ELOC: variants seen among roughly 807,000 people sequenced by gnomAD.
ELOC encodes the protein elongin C.
For synonymous variants in ELOC, 40 were observed against 51.3 expected (o/e 0.78, Z 0.94); for missense variants, 38 against 139.0 (o/e 0.27, Z 3.65).
intron 3 of ELOC, among the ~76,000 whole-genome samples, chr8:73,951,672 ACAACAACAAAAC>A (rs1813770356): frequency 6.6e-6 from 1 of 151,728 alleles, no homozygotes; most frequent in African/African-American, 2.4e-5. Flanking sequence ...AACAACAACA[ACAACAACAAAAC>A]AACAGACAAA....
intron 1 of ELOC, among the ~76,000 whole-genome samples, chr8:73,965,529 T>C (rs1814914572): frequency 6.6e-6 from 1 of 152,324 alleles, no homozygotes; most frequent in East Asian, 1.9e-4. Context: ...CAAAAAAGTA[T>C]ACATTGTATT....
chr8:73,968,301 C>T (rs1815125065), intron 1 of ELOC, among the ~76,000 whole-genome samples: 1 of 152,188 alleles, frequency 6.6e-6, no homozygotes, highest in African/African-American at 2.4e-5. Flanking sequence ...TCATCCTTCC[C>T]AGACAACCAC....
At chr8:73,953,477 G>T (rs1484212722) in intron 3 of ELOC, among the ~76,000 whole-genome samples, 1 of 152,026 alleles carries the variant, frequency 6.6e-6, no homozygotes, top group Non-Finnish European at 1.5e-5. Context: ...GGGAATTCGA[G>T]ACCAGCCTGA....
chr8:73,963,863 G>T (rs1008248821), intron 1 of ELOC, among the ~76,000 whole-genome samples: 1 of 151,912 alleles, frequency 6.6e-6, no homozygotes, highest in Non-Finnish European at 1.5e-5. Context: ...GAGGCCGAAG[G>T]GGGTGGATCA....
chr8:73,957,933 C>G (rs1814309946), intron 2 of ELOC, among the ~76,000 whole-genome samples: 1 of 151,840 alleles, frequency 6.6e-6, no homozygotes, highest in African/African-American at 2.4e-5. Context: ...CGCCCACCAC[C>G]ACGGCTGGCT....
At chr8:73,962,396 C>G (rs1014813685) in intron 1 of ELOC, among the ~76,000 whole-genome samples, 1 of 152,128 alleles carries the variant, frequency 6.6e-6, no homozygotes, top group African/African-American at 2.4e-5. Context: ...AATTCTGGCT[C>G]CAGTTAAACT....
At chr8:73,959,712 A>G (rs2131139217) in intron 2 of ELOC, 53 bp downstream of exon 2, 2 of 1,466,156 alleles carry the variant, frequency 1.4e-6, no homozygotes, top group Admixed American at 2.4e-5. Context: ...GATCTTTGAA[A>G]CAAAGTCCAG....
At chr8:73,961,122 A>T (rs1814561995) in intron 1 of ELOC, among the ~76,000 whole-genome samples, 1 of 149,672 alleles carries the variant, frequency 6.7e-6, no homozygotes, top group African/African-American at 2.4e-5. Flanking sequence ...TGACAAAATA[A>T]CAAGATGATT....
chr8:73,956,094 CAG>C (rs767897180), intron 2 of ELOC, 40 bp from the exon 3 acceptor site: 2 of 1,594,554 alleles, frequency 1.3e-6, no homozygotes, highest in African/African-American at 2.7e-5. Context: ...TTGAGTCACA[CAG>C]TGTACTAAAA....
intron 1 of ELOC, among the ~76,000 whole-genome samples, chr8:73,960,997 T>G (rs1814551072): frequency 6.6e-6 from 1 of 152,206 alleles, no homozygotes; most frequent in Non-Finnish European, 1.5e-5. Context: ...GCTCTTTACT[T>G]AGATAAGTAC....
intron 1 of ELOC, among the ~76,000 whole-genome samples, chr8:73,960,573 C>T (rs770726551): frequency 6.6e-5 from 10 of 152,152 alleles, no homozygotes; most frequent in Non-Finnish European, 1.3e-4. Context: ...TCAATCATGT[C>T]TACAGAATGA....
chr8:73,948,287 C>G (rs934898642), intron 3 of ELOC, among the ~76,000 whole-genome samples: 3 of 151,774 alleles, frequency 2.0e-5, no homozygotes, highest in Non-Finnish European at 4.4e-5. Flanking sequence ...GTAGCTTTTC[C>G]TAACAATCTT....
intron 1 of ELOC, among the ~76,000 whole-genome samples, chr8:73,971,662 G>C (rs1815412607): frequency 6.6e-6 from 1 of 152,000 alleles, no homozygotes; most frequent in Non-Finnish European, 1.5e-5. Context: ...TAAACTTCTC[G>C]GGTACTGCAG....
At chr8:73,947,404 T>A (rs1369837877) in intron 3 of ELOC, among the ~76,000 whole-genome samples, 2 of 152,042 alleles carry the variant, frequency 1.3e-5, no homozygotes, top group African/African-American at 4.8e-5. Flanking sequence ...AGAGACCAAC[T>A]CTACTTTCAA....
chr8:73,962,734 G>C (rs138952324), intron 1 of ELOC, among the ~76,000 whole-genome samples: 284 of 152,184 alleles, frequency 1.9e-3, no homozygotes, highest in African/African-American at 6.6e-3. Context: ...GAGCCCTTTG[G>C]GTAGCAACAG....
At chr8:73,954,424 T>G (rs1209484457) in intron 3 of ELOC, among the ~76,000 whole-genome samples, 1 of 152,116 alleles carries the variant, frequency 6.6e-6, no homozygotes, top group Admixed American at 6.6e-5. Flanking sequence ...TTTGGGAGGC[T>G]GAGGCAGGCG....
At chr8:73,959,057 A>G (rs940438055) in intron 2 of ELOC, among the ~76,000 whole-genome samples, 3 of 152,206 alleles carry the variant, frequency 2.0e-5, no homozygotes, top group Admixed American at 2.0e-4. Context: ...CAGTAGAAAT[A>G]TAGCATAAAA....
In ELOC at chr8:73,946,352, T is replaced by C. The variant is rs1813383066; in HGVS notation, c.*278A>G. ...AATTTCAGTATTTACTATATCATCA[T>C]TGCTGATTTTAAGTCACATTCAAAG... On this transcript the variant is annotated 3_prime_UTR_variant, in exon 4 of 4. Transcript: ENST00000520242. The C allele has an allele frequency of 3.4e-6, 1 of 292,298 alleles. No homozygotes were observed. Among genetic ancestry groups the C allele is most frequent in the Non-Finnish European group, 6.4e-6 (1 of 156,736 alleles). 18.1% of individuals were successfully genotyped at this position (292,298 alleles called of 1,614,324 possible).
At chr8:73,955,033 C>T (rs1314954350) in intron 3 of ELOC, among the ~76,000 whole-genome samples, 1 of 71,000 alleles carries the variant, frequency 1.4e-5, no homozygotes, top group Non-Finnish European at 2.6e-5. Flanking sequence ...GACTCCATCT[C>T]GGAAAAAAAA....
Sources: allele counts gnomAD v4.1 joint callset (sites outside exome capture counted in the v4.1 genomes callset), GRCh38; gene constraint gnomAD v4.1.1; transcripts MANE v1.5; gene names NCBI Gene and HGNC (gene_info 2026-07-23, HGNC 2026-07-21).